VCL: variants seen among roughly 807,000 people sequenced by gnomAD.
VCL encodes the protein vinculin, also known as epididymis luminal protein 114.
VCL carries 47 observed loss-of-function variants against 125.7 expected under a neutral mutation model. That is an observed-to-expected ratio of 0.37 (90% confidence interval 0.30 to 0.48). The LOEUF is 0.48. Among genes scored for constraint, VCL ranks in the 20% least tolerant of loss-of-function variants. VCL has a pLI of 0.99. For missense variants in VCL, 1,069 were observed against 1,455.5 expected, an observed-to-expected ratio of 0.73 and a Z score of 4.32; for synonymous variants, 458 against 514.6, an observed-to-expected ratio of 0.89 and a Z score of 1.49.
intron 10 of VCL, among the ~76,000 whole-genome samples, chr10:74,090,569 G>C (rs1321246887): frequency 6.6e-6 from 1 of 152,108 alleles, no homozygotes; most frequent in African/African-American, 2.4e-5. Flanking sequence ...TTTGTGGCTA[G>C]CTATGAAAAG....
At chr10:74,044,722 A>G (rs543661706) in intron 2 of VCL, among the ~76,000 whole-genome samples, 1 of 152,342 alleles carries the variant, frequency 6.6e-6, no homozygotes, top group South Asian at 2.1e-4. Flanking sequence ...AAACATTTCT[A>G]TCAGCATTGT....
intron 1 of VCL, among the ~76,000 whole-genome samples, chr10:74,032,254 A>AG (rs1428440083): frequency 1.3e-5 from 2 of 150,900 alleles, no homozygotes; most frequent in East Asian, 1.9e-4. Flanking sequence ...AAAAAAAAAA[A>AG]AAAAAAGAAA....
chr10:74,105,181 C>T lies in VCL; in HGVS notation c.2262C>T (p.Thr754=). 1 of 1,614,102 alleles carries T rather than the reference C, an allele frequency of 6.2e-7. No homozygotes were observed. Among genetic ancestry groups the T allele is most frequent in the Non-Finnish European group, 8.5e-7 (1 of 1,180,036 alleles). ...IQPQMLVAGA[T]SIARRANRIL... is the part of the protein sequence containing the mutation. ...CTCAGATGCTGGTTGCTGGGGCAACCAGTATTGCTCGTCGGGCCAACCGGA... is the reference window on the plus strand; with the variant it reads ...CTCAGATGCTGGTTGCTGGGGCAACTAGTATTGCTCGTCGGGCCAACCGGA... Residue 754 remains threonine (T), a synonymous_variant, in exon 16 of 22, where the codon ACC becomes ACT. Transcript: ENST00000211998.
chr10:74,004,202 T>C lies in VCL; in HGVS notation c.168+5827T>C, dbSNP rs544540833. On this transcript the variant is annotated intron_variant, in intron 1 of 21. Coordinates refer to ENST00000211998, the MANE Select transcript of VCL (RefSeq NM_014000.3). ...AATATATTTCTGTATTTTCCAATTTTTGAAAATTAATATATAATTCCTATG... is the reference window on the plus strand; with the variant it reads ...AATATATTTCTGTATTTTCCAATTTCTGAAAATTAATATATAATTCCTATG... Among the ~76,000 whole-genome samples the C allele has an allele frequency of 7.9e-5, 12 of 152,304 alleles. No homozygotes were observed. In the East Asian group the frequency reaches 2.1e-3, roughly 27 times the overall value.
rs774082743 is a variant in VCL, at chr10:74,100,929, T to TAA, written c.1873-18_1873-17insAA. ...ATTTTATTGAAATAAATGTTCTTAA[T>TAA]ATCTGTTTTTTCCTCAAGGTATTTG... On this transcript the variant is annotated intron_variant, in intron 13 of 21. Coordinates refer to ENST00000211998, the MANE Select transcript of VCL (RefSeq NM_014000.3). 1.9e-6 allele frequency: 3 copies of TAA among 1,613,706 alleles called. No individual in the cohort carries two copies. The South Asian group carries it at 3.3e-5, about 18-fold the overall frequency.
intron 1 of VCL, among the ~76,000 whole-genome samples, chr10:74,031,105 T>G (rs1221266595): frequency 6.6e-6 from 1 of 152,210 alleles, no homozygotes; most frequent in Non-Finnish European, 1.5e-5. Flanking sequence ...AATGATGGAT[T>G]AAACAAAACT....
intron 16 of VCL, among the ~76,000 whole-genome samples, chr10:74,105,881 C>T (rs1360583922): frequency 6.8e-6 from 1 of 146,248 alleles, no homozygotes; most frequent in Non-Finnish European, 1.5e-5. Context: ...GCTGGGATTA[C>T]AGGTGTGAGC....
At position 74,072,920 on chromosome 10, in the gene VCL, ATTTTGTTTTC is replaced by A. The variant is rs757160345; in HGVS notation, c.622+83_622+92del. The stretch of plus-strand genomic sequence containing the variant: ...TAGCATGTTCTAAACTCTGAGGTTC[ATTTTGTTTTC>A]TTTTGTTTTCTTTTCTTTTTTTTTT... On this transcript the variant is annotated intron_variant, in intron 5 of 21. Transcript: ENST00000211998. 1,313 of 1,590,432 alleles carry A rather than the reference ATTTTGTTTTC, an allele frequency of 8.3e-4. 1 individual carries two copies. The highest frequency in any genetic ancestry group is 1.4e-3 in the Admixed American group (81 of 58,434).
At chr10:74,080,245 C>T (rs529973159) in intron 6 of VCL, among the ~76,000 whole-genome samples, 1 of 152,148 alleles carries the variant, frequency 6.6e-6, no homozygotes, top group Non-Finnish European at 1.5e-5. Flanking sequence ...TCAAAACTGA[C>T]AAGGCAGAGA....
intron 1 of VCL, among the ~76,000 whole-genome samples, chr10:74,033,614 C>T (rs4745730): frequency 0.26 from 40,228 of 152,010 alleles, 6,744 homozygotes; most frequent in African/African-American, 0.47. Context: ...TGTTCTTCCA[C>T]CAGCTACTTA....
chr10:74,019,209 T>G (rs1331630846), intron 1 of VCL, among the ~76,000 whole-genome samples: 1 of 152,224 alleles, frequency 6.6e-6, no homozygotes, highest in African/African-American at 2.4e-5. Flanking sequence ...CATTGGATGT[T>G]AGAAAACAGA....
intron 1 of VCL, among the ~76,000 whole-genome samples, chr10:74,038,967 A>G (rs1161871939): frequency 2.0e-5 from 3 of 151,788 alleles, no homozygotes; most frequent in Admixed American, 2.0e-4. Context: ...GCTGGAGTAC[A>G]GTGGCGCGAT....
intron 17 of VCL, among the ~76,000 whole-genome samples, chr10:74,108,449 C>G (rs1840170993): frequency 6.6e-6 from 1 of 151,964 alleles, no homozygotes; most frequent in Admixed American, 6.6e-5. Context: ...TGGGATGCAA[C>G]CAAAACAGTA....
Position 74,112,029 on chromosome 10 carries a change from A to C in VCL, c.2866A>C (p.Met956Leu), listed in dbSNP as rs761830073. 6.2e-7 allele frequency: 1 copy of C among 1,614,184 alleles called. No homozygotes were observed. Among genetic ancestry groups the C allele is most frequent in the South Asian group, 1.1e-5 (1 of 91,088 alleles). ...CGATTACGAACCTGAGCTGCTGTTAATGCCATCCAATCAGCCGGTCAACCA... is the reference window on the plus strand; with the variant it reads ...CGATTACGAACCTGAGCTGCTGTTACTGCCATCCAATCAGCCGGTCAACCA... ...EDDYEPELLL[M>L]PSNQPVNQPI... Residue 956 changes from methionine (M) to leucine (L), a missense_variant, in exon 19 of 22, where the codon ATG becomes CTG. This residue lies in a region of VCL where 86 missense variants were observed against 91.0 expected (regional missense o/e 0.95). Coordinates refer to ENST00000211998, the MANE Select transcript of VCL (RefSeq NM_014000.3).
At chr10:74,041,047 C>T (rs746561911) in intron 1 of VCL, among the ~76,000 whole-genome samples, 2 of 152,152 alleles carry the variant, frequency 1.3e-5, no homozygotes, top group Admixed American at 6.5e-5. Flanking sequence ...CAAGGTCTCA[C>T]TATGTTGCCC....
At chr10:74,005,868 T>A in intron 1 of VCL, among the ~76,000 whole-genome samples, 1 of 152,160 alleles carries the variant, frequency 6.6e-6, no homozygotes, top group South Asian at 2.1e-4. Context: ...ATTGTTGTAT[T>A]GTTTTTTATT....
chr10:74,113,437 T>A (rs1313438052), intron 19 of VCL, among the ~76,000 whole-genome samples: 1 of 152,094 alleles, frequency 6.6e-6, no homozygotes, highest in Non-Finnish European at 1.5e-5. Flanking sequence ...TTAACTGGAG[T>A]CTTCACTTAG....
chr10:74,030,260 CAG>C (rs758645241), intron 1 of VCL, among the ~76,000 whole-genome samples: 2 of 152,306 alleles, frequency 1.3e-5, no homozygotes, highest in South Asian at 2.1e-4. Context: ...CACATGGAAA[CAG>C]GGGCTAATGT....
Position 74,072,449 on chromosome 10 carries a change from T to C in VCL, c.500-281T>C, listed in dbSNP as rs74146314. Among the ~76,000 whole-genome samples, 9,584 of 152,226 alleles carry C rather than the reference T, an allele frequency of 0.063. 1,038 individuals carry two copies. The highest frequency in any genetic ancestry group is 0.22 in the African/African-American group (8,995 of 41,508). ...TTTCCCTTACCTGTGAATTTCTTTT[T>C]AATAAATATATATTTATTCATTTAG... is the stretch of plus-strand genomic sequence containing the variant. On this transcript the variant is annotated intron_variant, in intron 4 of 21. Transcript: ENST00000211998.
Sources: gnomAD v4.1 joint callset for allele counts (sites outside exome capture counted in the v4.1 genomes callset) on GRCh38, gnomAD v4.1.1 for gene constraint, gnomAD v4.1.1 regional missense constraint, MANE v1.5 for transcripts, NCBI Gene and HGNC (gene_info 2026-07-23, HGNC 2026-07-21) for gene names.